Variants in TSGA10 observed in about 807,000 individuals in gnomAD.
The protein encoded by TSGA10 is testis-specific gene 10 protein.
Under a neutral mutation model 96.6 loss-of-function variants are expected in TSGA10, and 43 were observed. The observed-to-expected ratio is 0.44, with a 90% CI of 0.35 to 0.57. TSGA10 has a LOEUF of 0.57. TSGA10 is among the 20% of genes least tolerant of loss of function. TSGA10 has a pLI of 0.01. For synonymous variants in TSGA10, 229 were observed against 269.9 expected, an observed-to-expected ratio of 0.85 and a Z score of 1.48; for missense variants, 703 against 834.4, an observed-to-expected ratio of 0.84 and a Z score of 1.94.
rs869263270 is a variant in TSGA10, at chr2:99,101,244, C to CAAAAAAAAAAA, written c.611+2712_611+2722dup. On this transcript the variant is annotated intron_variant, in intron 10 of 20. Transcript: ENST00000393483. ...TGGGCGACAGAGTGAGACTCTGTCT[C>CAAAAAAAAAAA]AAAAAAAAAAAAAAAAAAAAAAAAA... Among the ~76,000 whole-genome samples the CAAAAAAAAAAA allele has an allele frequency of 8.2e-5, 2 of 24,364 alleles. 1 individual carries two copies. Among genetic ancestry groups the CAAAAAAAAAAA allele is most frequent in the Non-Finnish European group, 1.3e-4 (2 of 15,242 alleles). 16.0% of individuals were successfully genotyped at this position (24,364 alleles called of 152,430 possible).
At chr2:99,101,221 G>C (rs1229245134) in intron 10 of TSGA10, among the ~76,000 whole-genome samples, 1 of 123,220 alleles carries the variant, frequency 8.1e-6, no homozygotes, top group Non-Finnish European at 1.6e-5. Context: ...CTCCAGCCTG[G>C]GCGACAGAGT....
chr2:99,008,755 A>C (rs1209950497), intron 20 of TSGA10, among the ~76,000 whole-genome samples: 2 of 152,234 alleles, frequency 1.3e-5, no homozygotes, highest in South Asian at 4.1e-4. Flanking sequence ...ATTGCAAATT[A>C]TTGGAAACTA....
chr2:99,113,598 C>T (rs898408458), intron 4 of TSGA10, among the ~76,000 whole-genome samples: 3 of 152,088 alleles, frequency 2.0e-5, no homozygotes, highest in African/African-American at 7.2e-5. Flanking sequence ...CAGGCTGGAG[C>T]GCAGTGGCGT....
At chr2:99,088,194 T>C (rs1258672900) in intron 10 of TSGA10, among the ~76,000 whole-genome samples, 1 of 152,224 alleles carries the variant, frequency 6.6e-6, no homozygotes, top group Non-Finnish European at 1.5e-5. Flanking sequence ...TTCGGTGTAG[T>C]AGTCCCCTCT....
chr2:99,031,286 CAAAAAAAAAAAA>C (rs70940132), intron 17 of TSGA10, among the ~76,000 whole-genome samples: 1 of 46,382 alleles, frequency 2.2e-5, no homozygotes, highest in Admixed American at 3.7e-4. Flanking sequence ...ACTCATAGGC[CAAAAAAAAAAAA>C]AAAAAAAAAA....
chr2:99,031,416 GA>G (rs1558781122), intron 17 of TSGA10, among the ~76,000 whole-genome samples: 1 of 151,534 alleles, frequency 6.6e-6, no homozygotes, highest in African/African-American at 2.4e-5. Context: ...TAAGAAGTAG[GA>G]AAATCTTTGA....
chr2:99,135,062 G>A lies in TSGA10; in HGVS notation c.-620-7886C>T, dbSNP rs543459163. 3.9e-5 allele frequency among the ~76,000 whole-genome samples: 6 copies of A among 152,294 alleles called. No individual in the cohort carries two copies. The South Asian group carries it at 1.0e-3, about 26-fold the overall frequency. On this transcript the variant is annotated intron_variant, in intron 1 of 20. Transcript: ENST00000393483. ...CTGGGAGATGTCTCCCAGTCAGGAG[G>A]CATGGGGGTCAGGGACCCACTTGAG... is the stretch of plus-strand genomic sequence containing the variant.
chr2:99,139,720 AT>A (rs1323566922), intron 1 of TSGA10, among the ~76,000 whole-genome samples: 10 of 152,244 alleles, frequency 6.6e-5, no homozygotes, highest in Middle Eastern at 3.2e-3. Flanking sequence ...CTTAAAAAAA[AT>A]GTTGAGTAAA....
At chr2:99,077,488 T>A (rs2086858697) in intron 12 of TSGA10, among the ~76,000 whole-genome samples, 3 of 152,226 alleles carry the variant, frequency 2.0e-5, no homozygotes, top group Admixed American at 6.5e-5. Context: ...GCTTAGGAAC[T>A]GCTTTCAGAA....
intron 20 of TSGA10, among the ~76,000 whole-genome samples, chr2:99,008,307 G>A (rs530197063): frequency 6.6e-6 from 1 of 152,280 alleles, no homozygotes; most frequent in East Asian, 1.9e-4. Flanking sequence ...CACCAATAAA[G>A]AGATAATTTC....
At chr2:99,131,662 T>A (rs886620614) in intron 1 of TSGA10, among the ~76,000 whole-genome samples, 1 of 152,176 alleles carries the variant, frequency 6.6e-6, no homozygotes, top group Non-Finnish European at 1.5e-5. Context: ...CTATATTGAA[T>A]AGGAGTGGTG....
chr2:99,115,940 G>A (rs1280516812), intron 4 of TSGA10, among the ~76,000 whole-genome samples: 1 of 152,118 alleles, frequency 6.6e-6, no homozygotes, highest in Non-Finnish European at 1.5e-5. Context: ...CCATTAAGCA[G>A]TCTCAATGAG....
rs74499571 is a variant in TSGA10, at chr2:99,152,722, G to T, written c.-621+1971C>A. ...ATGGTGATGGTCATAAAAGTGGAGA[G>T]AAGGGGATAGAGTCCAGGTGAAGTC... On this transcript the variant is annotated intron_variant, in intron 1 of 20. Transcript: ENST00000393483. 5.7e-3 allele frequency among the ~76,000 whole-genome samples: 862 copies of T among 152,326 alleles called. 8 individuals are homozygous for T. Among genetic ancestry groups the T allele is most frequent in the African/African-American group, 0.02 (836 of 41,566 alleles).
intron 17 of TSGA10, among the ~76,000 whole-genome samples, chr2:99,025,606 G>C (rs953571026): frequency 6.6e-6 from 1 of 152,038 alleles, no homozygotes; most frequent in Non-Finnish European, 1.5e-5. Flanking sequence ...TTCTAATCTT[G>C]ATTATTATTT....
chr2:99,130,042 G>A (rs1251744503), intron 1 of TSGA10, among the ~76,000 whole-genome samples: 1 of 152,120 alleles, frequency 6.6e-6, no homozygotes, highest in Non-Finnish European at 1.5e-5. Context: ...ATCATTGGTG[G>A]GCATTTAGGT....
At chr2:99,024,301 G>A (rs2080338396) in intron 17 of TSGA10, among the ~76,000 whole-genome samples, 1 of 151,942 alleles carries the variant, frequency 6.6e-6, no homozygotes, top group Non-Finnish European at 1.5e-5. Flanking sequence ...TGTTAGCCAG[G>A]ATGGTCTTGA....
intron 16 of TSGA10, among the ~76,000 whole-genome samples, chr2:99,040,338 G>A (rs924954841): frequency 5.9e-5 from 9 of 152,070 alleles, no homozygotes; most frequent in Admixed American, 2.6e-4. Context: ...GTCACTGTTC[G>A]CCAATTATAG....
At chr2:99,027,035 G>A (rs2080660250) in intron 17 of TSGA10, among the ~76,000 whole-genome samples, 1 of 152,184 alleles carries the variant, frequency 6.6e-6, no homozygotes, top group African/African-American at 2.4e-5. Flanking sequence ...ACAATAGGGT[G>A]CACGCTTTTA....
chr2:99,108,289 T>C (rs1326318661), intron 7 of TSGA10, among the ~76,000 whole-genome samples: 2 of 152,162 alleles, frequency 1.3e-5, no homozygotes, highest in African/African-American at 2.4e-5. Flanking sequence ...ATAGTAGCTA[T>C]AATTTGTTAA....
Sources: allele counts gnomAD v4.1 joint callset (sites outside exome capture counted in the v4.1 genomes callset), GRCh38; gene constraint gnomAD v4.1.1; transcripts MANE v1.5; gene names NCBI Gene and HGNC (gene_info 2026-07-23, HGNC 2026-07-21).